OLFM2: variants seen among roughly 807,000 people sequenced by gnomAD.
OLFM2 encodes the protein olfactomedin 2, also known as noelin-2.
A neutral mutation model predicts 43.9 loss-of-function variants in OLFM2; 20 were observed. The observed-to-expected ratio is 0.46, with a 90% CI of 0.32 to 0.66. OLFM2 has a LOEUF of 0.66. Among genes scored for constraint, OLFM2 ranks in the 30% least tolerant of loss-of-function variants. OLFM2 has a pLI of 0.04. For missense variants in OLFM2, 416 were observed against 643.6 expected (o/e 0.65, Z 3.83); for synonymous variants, 268 against 278.6 (o/e 0.96, Z 0.38).
rs1044059370 is a variant in OLFM2, at chr19:9,888,449, G to GC, written c.64-27656_64-27655insG. On this transcript the variant is annotated intron_variant, in intron 1 of 5. Coordinates refer to ENST00000264833, the MANE Select transcript of OLFM2 (RefSeq NM_058164.4). ...TGAGGCAGGAGAATCGCTTGAGCCT[G>GC]GGGGGCGGAGGTTGCGGTGAGCTGA... 2.7e-3 allele frequency among the ~76,000 whole-genome samples: 21 copies of GC among 7,884 alleles called. No homozygotes were observed. In the Admixed American group the frequency reaches 0.028, roughly 10 times the overall value. The allele number at this position is 7,884 out of a possible 152,430, so 5.2% of individuals were successfully genotyped here.
At chr19:9,913,478 C>T in intron 1 of OLFM2, 1 of 1,091,326 alleles carries the variant, frequency 9.2e-7, no homozygotes, top group Non-Finnish European at 1.1e-6. Context: ...GCGGCGGCCA[C>T]TCACGATTTT....
intron 1 of OLFM2, among the ~76,000 whole-genome samples, chr19:9,894,480 C>T (rs971012806): frequency 5.3e-5 from 8 of 150,288 alleles, no homozygotes; most frequent in Non-Finnish European, 7.4e-5. Flanking sequence ...GAGGCTGAGG[C>T]GGGCAGATCA....
At chr19:9,869,615 C>G (rs2046427748) in intron 1 of OLFM2, among the ~76,000 whole-genome samples, 2 of 152,000 alleles carry the variant, frequency 1.3e-5, no homozygotes, top group Admixed American at 1.3e-4. Context: ...TCTGCTAATA[C>G]TATTATTTTT....
intron 2 of OLFM2, chr19:9,858,252 C>T (rs1055315722): frequency 3.0e-6 from 1 of 336,812 alleles, no homozygotes; most frequent in South Asian, 2.4e-5. Context: ...AACCCACTTC[C>T]TCTCTCTTTG....
At chr19:9,901,011 GAAGGAGGAA>G (rs2046731662) in intron 1 of OLFM2, among the ~76,000 whole-genome samples, 3 of 52,072 alleles carry the variant, frequency 5.8e-5, no homozygotes, top group Admixed American at 2.0e-4. Context: ...GGGAGGGAGG[GAAGGAGGAA>G]GGGAGGGAAG....
chr19:9,879,333 T>C (rs2046519468), intron 1 of OLFM2, among the ~76,000 whole-genome samples: 1 of 151,684 alleles, frequency 6.6e-6, no homozygotes, highest in Admixed American at 6.6e-5. Context: ...GGTTTCTCCA[T>C]GTTGGTCAGG....
chr19:9,863,978 C>T (rs553334444), intron 1 of OLFM2, among the ~76,000 whole-genome samples: 1 of 152,382 alleles, frequency 6.6e-6, no homozygotes, highest in African/African-American at 2.4e-5. Flanking sequence ...AACTCACTTT[C>T]TCCGCCTTCC....
rs755800093 is a variant in OLFM2, at chr19:9,857,392, C to T, written c.451G>A (p.Glu151Lys). Residue 151 changes from glutamate (E) to lysine (K), a missense_variant, in exon 4 of 6, where the codon GAG becomes AAG. Coordinates refer to ENST00000264833, the MANE Select transcript of OLFM2 (RefSeq NM_058164.4). This position sits in a 1 kb window ranked among gnomAD's most constrained non-coding sequence, Gnocchi z 5.7. ...ADTRTIVRLR[E>K]EVRNLSGSLA... ...CTGCCGGAGAGATTCCTCACCTCCTCCCGCAAGCGTACAATGGTCCGCGTG... is the reference window on the plus strand; with the variant it reads ...CTGCCGGAGAGATTCCTCACCTCCTTCCGCAAGCGTACAATGGTCCGCGTG... The T allele has an allele frequency of 1.9e-6, 3 of 1,614,194 alleles. No homozygotes were observed. The highest frequency in any genetic ancestry group is 2.5e-6 in the Non-Finnish European group (3 of 1,180,032).
intron 1 of OLFM2, among the ~76,000 whole-genome samples, chr19:9,865,169 T>C (rs1166311160): frequency 1.2e-4 from 4 of 34,488 alleles, no homozygotes; most frequent in South Asian, 4.6e-4. Context: ...TCTTCTCCTC[T>C]TTTTTTTTTT....
chr19:9,860,894 T>C, intron 1 of OLFM2, 100 bp from the exon 2 acceptor site: 1 of 1,271,230 alleles, frequency 7.9e-7, no homozygotes, highest in Admixed American at 2.4e-5. Flanking sequence ...AGATGCCCTT[T>C]GCTGGGCTCC....
chr19:9,854,512 C>G lies in OLFM2; in HGVS notation c.1039G>C (p.Val347Leu), dbSNP rs368014281. Reference protein sequence around the residue: ...TTNQNAGNIVVSRLDPHTLEV... With the variant: ...TTNQNAGNIVLSRLDPHTLEV... ...AGGGTGTGCGGGTCCAGCCGGCTGACCACGATGTTGCCCGCGTTCTGGTTG... is the reference window on the plus strand; with the variant it reads ...AGGGTGTGCGGGTCCAGCCGGCTGAGCACGATGTTGCCCGCGTTCTGGTTG... Residue 347 changes from valine to leucine, a missense_variant, in exon 6 of 6, where the codon GTC (valine) becomes CTC (leucine). Val to Leu is a conservative substitution (Grantham distance 32). Coordinates refer to ENST00000264833, the MANE Select transcript of OLFM2 (RefSeq NM_058164.4). This position sits in a 1 kb window ranked among gnomAD's most constrained non-coding sequence, Gnocchi z 9.5. 45 of 1,613,862 alleles carry G rather than the reference C, an allele frequency of 2.8e-5. No individual in the cohort carries two copies. In the African/African-American group the frequency reaches 5.2e-4, roughly 19 times the overall value.
intron 1 of OLFM2, chr19:9,913,836 G>T: frequency 3.8e-6 from 1 of 265,176 alleles, no homozygotes; most frequent in Non-Finnish European, 5.8e-6. Flanking sequence ...ATAAAGCGCC[G>T]GCTCGGGCCC....
chr19:9,921,986 C>T (rs1349185390), intron 1 of OLFM2, among the ~76,000 whole-genome samples: 3 of 151,622 alleles, frequency 2.0e-5, no homozygotes, highest in Non-Finnish European at 2.9e-5. Context: ...TCCAGCAACT[C>T]GGCAGGCTAA....
At chr19:9,887,311 TG>T (rs1216708356) in intron 1 of OLFM2, among the ~76,000 whole-genome samples, 1 of 151,906 alleles carries the variant, frequency 6.6e-6, no homozygotes. Flanking sequence ...CCCGAGTAGC[TG>T]GGATTACAGG....
At chr19:9,900,665 A>C (rs2046723785) in intron 1 of OLFM2, among the ~76,000 whole-genome samples, 1 of 151,698 alleles carries the variant, frequency 6.6e-6, no homozygotes, top group Non-Finnish European at 1.5e-5. Context: ...CTGAGGCAGG[A>C]GGGTCGCTTG....
chr19:9,933,618 C>T (rs2086497981), intron 1 of OLFM2, among the ~76,000 whole-genome samples: 1 of 132,278 alleles, frequency 7.6e-6, no homozygotes, highest in African/African-American at 2.9e-5. Flanking sequence ...AGTGCAATGG[C>T]GATCGCAGCT....
intron 1 of OLFM2, among the ~76,000 whole-genome samples, chr19:9,919,677 T>G (rs1237655186): frequency 6.6e-6 from 1 of 151,136 alleles, no homozygotes; most frequent in African/African-American, 2.4e-5. Context: ...AGATAGCATT[T>G]TGCCACATTG....
intron 1 of OLFM2, among the ~76,000 whole-genome samples, chr19:9,915,507 T>A (rs1396731976): frequency 6.7e-6 from 1 of 149,242 alleles, no homozygotes; most frequent in Non-Finnish European, 1.5e-5. Context: ...TTTATTTATT[T>A]ATTTATTTAT....
At chr19:9,911,597 C>T (rs1387622569) in intron 1 of OLFM2, among the ~76,000 whole-genome samples, 1 of 152,194 alleles carries the variant, frequency 6.6e-6, no homozygotes, top group Admixed American at 6.5e-5. Context: ...GTTATATGCA[C>T]ACACTTACAA....
Sources: gnomAD v4.1 joint callset for allele counts (sites outside exome capture counted in the v4.1 genomes callset) on GRCh38, gnomAD v4.1.1 for gene constraint, Gnocchi (gnomAD v3.1) non-coding constraint, MANE v1.5 for transcripts, NCBI Gene and HGNC (gene_info 2026-07-23, HGNC 2026-07-21) for gene names.